The following HTR4 variants were observed in gnomAD, a reference collection of about 807,000 sequenced individuals.
HTR4 encodes the protein 5-hydroxytryptamine receptor 4.
Under a neutral mutation model 36.8 loss-of-function variants are expected in HTR4, and 16 were observed. The observed-to-expected ratio is 0.43, with a 90% CI of 0.29 to 0.66. The LOEUF is 0.66. HTR4 is among the 30% of genes least tolerant of loss of function. The pLI, the probability that HTR4 is intolerant of heterozygous loss-of-function variation, is 0.13. For missense variants in HTR4, 438 were observed against 490.9 expected (o/e 0.89, Z 1.02); for synonymous variants, 189 against 185.1 (o/e 1.02, Z -0.17).
intron 4 of HTR4, among the ~76,000 whole-genome samples, chr5:148,525,225 A>T (rs374793947): frequency 2.0e-5 from 3 of 152,322 alleles, no homozygotes; most frequent in East Asian, 3.9e-4. Flanking sequence ...AAGACAAATT[A>T]TATCTGAGTA....
intron 4 of HTR4, among the ~76,000 whole-genome samples, chr5:148,532,686 C>T (rs7444772): frequency 0.15 from 23,282 of 152,084 alleles, 3,181 homozygotes; most frequent in African/African-American, 0.36. Flanking sequence ...ATGTATATTC[C>T]TATATCTATA....
rs1351228844 is a variant in HTR4, at chr5:148,548,841, T to TA, written c.179dup (p.Ser61IlefsTer20). 2 of 1,613,524 alleles carry TA rather than the reference T, an allele frequency of 1.2e-6. No individual in the cohort carries two copies. On this transcript the variant is annotated frameshift_variant, in exon 4 of 7. Coordinates refer to ENST00000377888, the MANE Select transcript of HTR4 (RefSeq NM_000870.7). LOFTEE classifies it high-confidence loss of function. ...CCAGCAGATCCGCAAAAGCAAGAGA[T>TA]ACAATGAAATAATTTGTTTTTATTT...
intron 2 of HTR4, among the ~76,000 whole-genome samples, chr5:148,552,314 G>A (rs1458785558): frequency 3.9e-5 from 6 of 152,184 alleles, no homozygotes; most frequent in African/African-American, 1.4e-4. Context: ...CTACACTTAA[G>A]TTCTAACTAT....
chr5:148,595,376 A>G (rs1332046371), intron 2 of HTR4, among the ~76,000 whole-genome samples: 1 of 152,100 alleles, frequency 6.6e-6, no homozygotes, highest in Non-Finnish European at 1.5e-5. Context: ...AAGATCCAAC[A>G]CCAGCCCAAA....
intron 5 of HTR4, among the ~76,000 whole-genome samples, chr5:148,467,743 T>G (rs184897028): frequency 2.2e-4 from 34 of 152,374 alleles, no homozygotes; most frequent in Admixed American, 2.2e-3. Flanking sequence ...GACCTCTGGC[T>G]GTTTGCATTT....
intron 4 of HTR4, among the ~76,000 whole-genome samples, chr5:148,540,286 G>C (rs551849205): frequency 7.3e-5 from 11 of 150,660 alleles, no homozygotes; most frequent in Non-Finnish European, 1.5e-4. Context: ...ATTAATACTT[G>C]GGTGATGAAA....
chr5:148,588,698 G>A (rs1393202502), intron 2 of HTR4, among the ~76,000 whole-genome samples: 1 of 150,322 alleles, frequency 6.7e-6, no homozygotes, highest in Non-Finnish European at 1.5e-5. Flanking sequence ...CCGCCACCGC[G>A]CCCGGCTAAT....
At chr5:148,610,336 G>A (rs866493777) in intron 2 of HTR4, among the ~76,000 whole-genome samples, 2 of 152,072 alleles carry the variant, frequency 1.3e-5, no homozygotes, top group Non-Finnish European at 2.9e-5. Context: ...ATCTGAGAAC[G>A]GGCAGACTGC....
At chr5:148,519,338 T>C (rs1456564536) in intron 5 of HTR4, among the ~76,000 whole-genome samples, 1 of 152,168 alleles carries the variant, frequency 6.6e-6, no homozygotes, top group African/African-American at 2.4e-5. Context: ...TTTCCCATTA[T>C]GTTAACAACC....
chr5:148,508,887 AAC>A (rs1434103085), intron 6 of HTR4, among the ~76,000 whole-genome samples: 6 of 152,108 alleles, frequency 3.9e-5, no homozygotes, highest in Non-Finnish European at 7.3e-5. Flanking sequence ...CTCATCAGAA[AAC>A]ACACATGAGA....
chr5:148,630,975 T>G (rs1265805914), intron 2 of HTR4, among the ~76,000 whole-genome samples: 1 of 152,154 alleles, frequency 6.6e-6, no homozygotes, highest in Admixed American at 6.5e-5. Flanking sequence ...TGAAGTTCTG[T>G]TAGGAACGCT....
At chr5:148,600,689 C>T (rs1039266059) in intron 2 of HTR4, among the ~76,000 whole-genome samples, 2 of 151,530 alleles carry the variant, frequency 1.3e-5, no homozygotes, top group Non-Finnish European at 2.9e-5. Context: ...GATCCGTACG[C>T]TGACAACAAA....
At chr5:148,629,801 A>T (rs1288087354) in intron 2 of HTR4, 1 of 152,180 alleles carries the variant, frequency 6.6e-6, no homozygotes, top group African/African-American at 2.4e-5. Context: ...AACCAAGCTT[A>T]TATAGTGGGG....
chr5:148,454,374 G>C (rs981178754), intron 5 of HTR4, among the ~76,000 whole-genome samples: 2 of 151,878 alleles, frequency 1.3e-5, no homozygotes, highest in African/African-American at 4.8e-5. Context: ...ATTTTATTGA[G>C]ATTAAAAAGT....
chr5:148,609,861 C>T (rs749080268), intron 2 of HTR4, among the ~76,000 whole-genome samples: 1 of 152,170 alleles, frequency 6.6e-6, no homozygotes, highest in Non-Finnish European at 1.5e-5. Flanking sequence ...CCACCACGCC[C>T]GGCCCATGAG....
At chr5:148,566,568 AT>A (rs1561623522) in intron 2 of HTR4, among the ~76,000 whole-genome samples, 1 of 152,152 alleles carries the variant, frequency 6.6e-6, no homozygotes, top group Non-Finnish European at 1.5e-5. Context: ...CTGAGATTGA[AT>A]TTACCATTGA....
chr5:148,577,598 A>C (rs1281121188), intron 2 of HTR4, among the ~76,000 whole-genome samples: 1 of 152,184 alleles, frequency 6.6e-6, no homozygotes, highest in Non-Finnish European at 1.5e-5. Flanking sequence ...CTGGATAAAG[A>C]AAATGTGGTA....
chr5:148,641,228 A>G (rs1007773391), intron 1 of HTR4, among the ~76,000 whole-genome samples: 1 of 152,040 alleles, frequency 6.6e-6, no homozygotes, highest in African/African-American at 2.4e-5. Context: ...AACACAATCA[A>G]CTCAGAGCAT....
At chr5:148,584,296 A>G (rs1239402392) in intron 2 of HTR4, among the ~76,000 whole-genome samples, 1 of 152,152 alleles carries the variant, frequency 6.6e-6, no homozygotes, top group Non-Finnish European at 1.5e-5. Flanking sequence ...GATTTTCTTA[A>G]GGTAATCAGC....
Sources: gnomAD v4.1 joint callset for allele counts (sites outside exome capture counted in the v4.1 genomes callset) on GRCh38, gnomAD v4.1.1 for gene constraint, MANE v1.5 for transcripts, NCBI Gene and HGNC (gene_info 2026-07-23, HGNC 2026-07-21) for gene names.